Variants in JUP observed in about 807,000 individuals in gnomAD.
The protein encoded by JUP is junction plakoglobin.
Under a neutral mutation model 71.1 loss-of-function variants are expected in JUP, and 28 were observed. That is an observed-to-expected ratio of 0.39 (90% confidence interval 0.29 to 0.54). The LOEUF (loss-of-function observed/expected upper bound fraction) is 0.54. Among genes scored for constraint, JUP ranks in the 20% least tolerant of loss-of-function variants. JUP has a pLI of 0.62. For synonymous variants in JUP, 401 were observed against 438.9 expected, an observed-to-expected ratio of 0.91 and a Z score of 1.08; for missense variants, 869 against 1,030.1, an observed-to-expected ratio of 0.84 and a Z score of 2.14.
chr17:41,758,146 A>G, intron 10 of JUP: 1 of 540,454 alleles, frequency 1.9e-6, no homozygotes. Flanking sequence ...TTTCATGTTT[A>G]TATGGTTGAA....
In JUP at chr17:41,758,880, A is replaced by G. The variant is rs782505124; in HGVS notation, c.1498-10T>C. On this transcript the variant is annotated splice_polypyrimidine_tract_variant and intron_variant, in intron 8 of 13. Transcript: ENST00000393931. ...TCAAGCCGATGGTTGCCTGGCAAAA[A>G]AAGGGGCAGTGATCAGGGGCACTTC... The G allele has an allele frequency of 6.2e-7, 1 of 1,605,214 alleles. No individual in the cohort carries two copies. The highest frequency in any genetic ancestry group is 2.2e-5 in the East Asian group (1 of 44,632).
intron 2 of JUP, among the ~76,000 whole-genome samples, chr17:41,770,283 A>C (rs1323098162): frequency 6.6e-6 from 1 of 152,174 alleles, no homozygotes; most frequent in Non-Finnish European, 1.5e-5. Context: ...TTCAGAGAGC[A>C]GGAGCTGGGT....
At position 41,765,074 on chromosome 17, in the gene JUP, G is replaced by A. The variant is rs782066434; in HGVS notation, c.910-7C>T. On this transcript the variant is annotated splice_region_variant and splice_polypyrimidine_tract_variant and intron_variant, in intron 5 of 13. Transcript: ENST00000393931. ...CATTGGCCAGGATGATCAGCTATGG[G>A]TAAAGAGGGAATGAGTGTGAGATGG... is the stretch of plus-strand genomic sequence containing the variant. 1 of 1,613,842 alleles carries A rather than the reference G, an allele frequency of 6.2e-7. No individual in the cohort carries two copies. The highest frequency in any genetic ancestry group is 8.5e-7 in the Non-Finnish European group (1 of 1,179,720).
At chr17:41,777,911 C>T (rs1567829318) in intron 1 of JUP, among the ~76,000 whole-genome samples, 1 of 152,312 alleles carries the variant, frequency 6.6e-6, no homozygotes, top group East Asian at 1.9e-4. Flanking sequence ...TGCTGGTGAC[C>T]CCCGTGGGCA....
At chr17:41,766,350 G>A (rs543643869) in intron 5 of JUP, among the ~76,000 whole-genome samples, 56 of 152,000 alleles carry the variant, frequency 3.7e-4, no homozygotes, top group Admixed American at 7.2e-4. Context: ...AGGGGAGGGG[G>A]AAAGGGGAAA....
intron 1 of JUP, among the ~76,000 whole-genome samples, chr17:41,778,162 G>A (rs1203815217): frequency 5.3e-5 from 8 of 152,186 alleles, no homozygotes; most frequent in Non-Finnish European, 8.8e-5. Flanking sequence ...ACTCCCTGGG[G>A]TGTGATTCTG....
In JUP at chr17:41,769,078, C is replaced by A; in HGVS notation, c.598G>T (p.Asp200Tyr). 1 of 1,613,314 alleles carries A rather than the reference C, an allele frequency of 6.2e-7. No individual in the cohort carries two copies. ...ATGCTGGTGGTGCAGCGGGCTGTGTCCAGGTCGCTGGTATTCTGCATGGTA... is the reference window on the plus strand; with the variant it reads ...ATGCTGGTGGTGCAGCGGGCTGTGTACAGGTCGCTGGTATTCTGCATGGTA... ...VRTMQNTSDL[D>Y]TARCTTSILH... The change falls in exon 4 of 14, where the codon GAC (aspartate) becomes TAC (tyrosine). Residue 200 changes from aspartate to tyrosine, a missense_variant. Physicochemically the swap from Asp to Tyr is radical, Grantham distance 160. Transcript: ENST00000393931.
chr17:41,783,271 GAAT>G (rs2047261257), intron 1 of JUP, among the ~76,000 whole-genome samples: 1 of 146,190 alleles, frequency 6.8e-6, no homozygotes, highest in Admixed American at 7.2e-5. Context: ...TGTAGAATGC[GAAT>G]AATGATACGC....
At chr17:41,785,953 C>T (rs1399124111) in intron 1 of JUP, 2 of 152,254 alleles carry the variant, frequency 1.3e-5, no homozygotes, top group Non-Finnish European at 2.9e-5. Context: ...AGGGAGGCGC[C>T]GCAGGTAGTA....
At chr17:41,768,404 C>CA (rs35253045) in intron 4 of JUP, among the ~76,000 whole-genome samples, 55 of 149,292 alleles carry the variant, frequency 3.7e-4, no homozygotes, top group South Asian at 6.4e-4. Context: ...CATCTCAAAA[C>CA]AAAAAAAAAT....
chr17:41,767,232 T>C, intron 5 of JUP, 147 bp downstream of exon 5: 1 of 668,176 alleles, frequency 1.5e-6, no homozygotes, highest in Non-Finnish European at 2.6e-6. Flanking sequence ...ATAATAATTC[T>C]GGGCAATTCA....
chr17:41,777,822 G>A (rs1314483721), intron 1 of JUP, among the ~76,000 whole-genome samples: 3 of 152,208 alleles, frequency 2.0e-5, no homozygotes, highest in African/African-American at 7.2e-5. Context: ...GTAGGAGAGG[G>A]AATTTGCCAC....
At position 41,766,409 on chromosome 17, in the gene JUP, C is replaced by CA. The variant is rs552809511; in HGVS notation, c.909+969dup. 7.5e-4 allele frequency among the ~76,000 whole-genome samples: 113 copies of CA among 151,584 alleles called. 1 individual carries two copies. The highest frequency in any genetic ancestry group is 2.5e-3 in the African/African-American group (105 of 41,324). ...GAGGGTGGTTTTGAGGACAATATAG[C>CA]AAAAAAAAATTTTTTTTAAACATCA... On this transcript the variant is annotated intron_variant, in intron 5 of 13. Transcript: ENST00000393931.
At chr17:41,758,993 A>G (rs1914354433) in intron 8 of JUP, 123 bp from the exon 9 acceptor site, 2 of 984,448 alleles carry the variant, frequency 2.0e-6, no homozygotes, top group Admixed American at 5.6e-5. Context: ...ACACAGACAT[A>G]CTGGAAAATA....
intron 1 of JUP, among the ~76,000 whole-genome samples, chr17:41,779,814 T>C (rs1391571353): frequency 3.3e-5 from 5 of 149,594 alleles, no homozygotes; most frequent in Non-Finnish European, 7.4e-5. Context: ...CACGTGCACA[T>C]GCCACCATGC....
At chr17:41,759,906 A>ATTT (rs1728446874) in intron 8 of JUP, among the ~76,000 whole-genome samples, 1 of 151,908 alleles carries the variant, frequency 6.6e-6, no homozygotes, top group Non-Finnish European at 1.5e-5. Context: ...CTAAACATGA[A>ATTT]TTTTCTTTTT....
intron 13 of JUP, 124 bp downstream of exon 13, chr17:41,756,051 T>A (rs1445490846): frequency 7.5e-7 from 1 of 1,325,880 alleles, no homozygotes; most frequent in Non-Finnish European, 1.1e-6. Context: ...CTGGGGTACA[T>A]GTGGATGCCA....
At chr17:41,779,658 C>T (rs544235676) in intron 1 of JUP, among the ~76,000 whole-genome samples, 1 of 151,606 alleles carries the variant, frequency 6.6e-6, no homozygotes, top group Admixed American at 6.6e-5. Context: ...TCAGATATTA[C>T]TTTTTTTATT....
At position 41,755,706 on chromosome 17, in the gene JUP, A is replaced by G; in HGVS notation, c.*38T>C. 3 of 1,521,082 alleles carry G rather than the reference A, an allele frequency of 2.0e-6. No homozygotes were observed. The highest frequency in any genetic ancestry group is 2.6e-6 in the Non-Finnish European group (3 of 1,133,218). The allele number at this position is 1,521,082 out of a possible 1,614,324, so 94.2% of individuals were successfully genotyped here. ...AGAAGGAGGTTCTAGAGAGGAGGAA[A>G]AGCCTGCAAAGAGGGGGCCGTACTG... On this transcript the variant is annotated 3_prime_UTR_variant, in exon 14 of 14. Transcript: ENST00000393931.
Sources: gnomAD v4.1 joint callset for allele counts (sites outside exome capture counted in the v4.1 genomes callset) on GRCh38, gnomAD v4.1.1 for gene constraint, MANE v1.5 for transcripts, NCBI Gene and HGNC (gene_info 2026-07-23, HGNC 2026-07-21) for gene names.